Variants in PCDHGB1 observed in about 807,000 individuals in gnomAD.
PCDHGB1 encodes protocadherin gamma-B1.
Under a neutral mutation model 56.6 loss-of-function variants are expected in PCDHGB1, and 34 were observed. The observed-to-expected ratio is 0.60, with a 90% CI of 0.46 to 0.80. PCDHGB1 has a LOEUF of 0.80. PCDHGB1 is among the 30% of genes least tolerant of loss of function. The probability of loss-of-function intolerance (pLI) is 0.00; values close to 1 mark genes in which losing one functional copy is unlikely to be tolerated. For missense variants in PCDHGB1, 1,278 were observed against 1,204.6 expected, an observed-to-expected ratio of 1.06 and a Z score of -0.90; for synonymous variants, 561 against 505.9, an observed-to-expected ratio of 1.11 and a Z score of -1.46.
intron 1 of PCDHGB1, chr5:141,403,657 A>G (rs753978186): frequency 2.5e-6 from 4 of 1,613,924 alleles, no homozygotes; most frequent in East Asian, 2.2e-5. Context: ...TGTTGGATAC[A>G]AATGATAATG....
At chr5:141,403,144 C>A in intron 1 of PCDHGB1, 10 of 1,614,042 alleles carry the variant, frequency 6.2e-6, no homozygotes, top group Non-Finnish European at 8.5e-6. Flanking sequence ...AGCGCCGAGT[C>A]CGCATCGTCT....
At chr5:141,442,253 G>A (rs910914393) in intron 1 of PCDHGB1, 2 of 153,064 alleles carry the variant, frequency 1.3e-5, no homozygotes, top group Non-Finnish European at 2.9e-5. Flanking sequence ...TGCATTGTTT[G>A]TGCTGGTTTT....
At chr5:141,361,413 C>CG (rs1007927822) in intron 1 of PCDHGB1, 1 of 1,614,020 alleles carries the variant, frequency 6.2e-7, no homozygotes. Context: ...CAGCCACCGA[C>CG]GGGGGCAAGC....
intron 2 of PCDHGB1, among the ~76,000 whole-genome samples, chr5:141,499,689 CTT>C (rs545067566): frequency 7.5e-5 from 9 of 119,852 alleles, no homozygotes; most frequent in African/African-American, 9.3e-5. Flanking sequence ...TAACAGATGA[CTT>C]TTTTTTTTTT....
At chr5:141,375,231 C>T in intron 1 of PCDHGB1, 1 of 1,613,964 alleles carries the variant, frequency 6.2e-7, no homozygotes, top group East Asian at 2.2e-5. Flanking sequence ...GGCCTGGTAA[C>T]CTGTTCCATC....
chr5:141,409,196 A>G (rs1197077093), intron 1 of PCDHGB1: 2 of 1,613,926 alleles, frequency 1.2e-6, no homozygotes, highest in Non-Finnish European at 1.7e-6. Flanking sequence ...TACCCAGTGT[A>G]AAGTAATCAT....
chr5:141,375,163 A>G (rs1313060581), intron 1 of PCDHGB1: 1 of 1,613,892 alleles, frequency 6.2e-7, no homozygotes, highest in South Asian at 1.1e-5. Context: ...CTGAAAGTGC[A>G]CCTCCAGGAA....
At position 141,477,056 on chromosome 5, in the gene PCDHGB1, G is replaced by T; in HGVS notation, c.2410-17751G>T. 6.2e-7 allele frequency: 1 copy of T among 1,614,242 alleles called. No homozygotes were observed. The highest frequency in any genetic ancestry group is 8.5e-7 in the Non-Finnish European group (1 of 1,180,046). Reference sequence around the variant, plus strand: ...AATCAAGGGTCGGCTGGACTTCGAGGACACCAAACTCCATGAGATTTACAT... The same window carrying T: ...AATCAAGGGTCGGCTGGACTTCGAGTACACCAAACTCCATGAGATTTACAT... On this transcript the variant is annotated intron_variant, in intron 1 of 3. Coordinates refer to ENST00000523390, the MANE Select transcript of PCDHGB1 (RefSeq NM_018922.3). This position sits in a 1 kb window ranked among gnomAD's most constrained non-coding sequence, Gnocchi z 4.9.
intron 1 of PCDHGB1, 43 bp downstream of exon 1, chr5:141,352,712 G>A (rs1182377694): frequency 2.6e-6 from 4 of 1,540,858 alleles, no homozygotes; most frequent in Non-Finnish European, 2.6e-6. Flanking sequence ...TATGGCGGCC[G>A]GGCGCGGTGG....
chr5:141,490,488 C>A lies in PCDHGB1; in HGVS notation c.2410-4319C>A, dbSNP rs142637733. 6.2e-7 allele frequency: 1 copy of A among 1,614,018 alleles called. No homozygotes were observed. Among genetic ancestry groups the A allele is most frequent in the African/African-American group, 1.3e-5 (1 of 74,904 alleles). ...CCAGCCAGCCTTTGGACCGGGAGGC[C>A]ACATCCCACTATATCATCGAGCTGC... On this transcript the variant is annotated intron_variant, in intron 1 of 3. Coordinates refer to ENST00000523390, the MANE Select transcript of PCDHGB1 (RefSeq NM_018922.3). The surrounding 1 kb of genome is among the most constrained non-coding windows in gnomAD (Gnocchi z 5.4).
intron 1 of PCDHGB1, chr5:141,360,011 A>G: frequency 8.1e-7 from 1 of 1,240,974 alleles, no homozygotes; most frequent in Non-Finnish European, 1.1e-6. Context: ...AACCAACCAC[A>G]CAGAGAAGGC....
chr5:141,476,557 C>T lies in PCDHGB1; in HGVS notation c.2410-18250C>T. On this transcript the variant is annotated intron_variant, in intron 1 of 3. Coordinates refer to ENST00000523390, the MANE Select transcript of PCDHGB1 (RefSeq NM_018922.3). This position sits in a 1 kb window ranked among gnomAD's most constrained non-coding sequence, Gnocchi z 7.6. ...AAATGAAATTGGAGATTAGCGAGGC[C>T]GTGGCTCCGGGGACGCGCTTTCCGC... The T allele has an allele frequency of 1.2e-6, 2 of 1,614,222 alleles. No homozygotes were observed. The highest frequency in any genetic ancestry group is 1.3e-5 in the African/African-American group (1 of 75,060).
At chr5:141,441,173 C>G (rs2098230611) in intron 1 of PCDHGB1, 1 of 152,180 alleles carries the variant, frequency 6.6e-6, no homozygotes, top group South Asian at 2.1e-4. Context: ...ATTTTTACTT[C>G]TAATTCCACA....
At chr5:141,355,300 T>A (rs1193183986) in intron 1 of PCDHGB1, 2 of 1,613,914 alleles carry the variant, frequency 1.2e-6, no homozygotes, top group Non-Finnish European at 8.5e-7. Flanking sequence ...GATTCTCTAC[T>A]CGGTGTTTGA....
Position 141,351,807 on chromosome 5 carries a change from T to C in PCDHGB1, c.1547T>C (p.Phe516Ser). Residue 516 changes from phenylalanine to serine, a missense_variant, in exon 1 of 4, where the codon TTC becomes TCC. Coordinates refer to ENST00000523390, the MANE Select transcript of PCDHGB1 (RefSeq NM_018922.3). ...GGGGTGGTGTTCGCGCAGCGCGCCT[T>C]CGACCACGAGCAGCTGCGCGCCTTC... Reference protein sequence around the residue: ...QSGVVFAQRAFDHEQLRAFEL... With the variant: ...QSGVVFAQRASDHEQLRAFEL... 3 of 1,613,300 alleles carry C rather than the reference T, an allele frequency of 1.9e-6. No homozygotes were observed. Among genetic ancestry groups the C allele is most frequent in the Non-Finnish European group, 2.5e-6 (3 of 1,179,884 alleles).
chr5:141,497,237 T>C (rs933112169), intron 2 of PCDHGB1, among the ~76,000 whole-genome samples: 3 of 152,038 alleles, frequency 2.0e-5, no homozygotes, highest in Non-Finnish European at 4.4e-5. Context: ...AGAAGGCTTC[T>C]AGGAGGAGGT....
chr5:141,395,222 A>G, intron 1 of PCDHGB1: 2 of 1,611,606 alleles, frequency 1.2e-6, no homozygotes, highest in Non-Finnish European at 1.7e-6. Flanking sequence ...ATAAGAATGA[A>G]GCTGATCATG....
intron 1 of PCDHGB1, chr5:141,374,529 C>G: frequency 6.2e-7 from 1 of 1,613,042 alleles, no homozygotes; most frequent in East Asian, 2.2e-5. Flanking sequence ...GCAGCTCCAT[C>G]CTCTCGTTTT....
chr5:141,384,464 A>G, intron 1 of PCDHGB1: 2 of 1,614,112 alleles, frequency 1.2e-6, no homozygotes, highest in Non-Finnish European at 1.7e-6. Context: ...TCCTTTGATT[A>G]TGAGCAGTTG....
Sources: allele counts gnomAD v4.1 joint callset (sites outside exome capture counted in the v4.1 genomes callset), GRCh38; gene constraint gnomAD v4.1.1; non-coding constraint Gnocchi (gnomAD v3.1); transcripts MANE v1.5; gene names NCBI Gene and HGNC (gene_info 2026-07-23, HGNC 2026-07-21).